QPRT: variants seen among roughly 807,000 people sequenced by gnomAD.
QPRT encodes quinolinate phosphoribosyltransferase, also known as nicotinate-nucleotide pyrophosphorylase [carboxylating].
Under a neutral mutation model 19.8 loss-of-function variants are expected in QPRT, and 17 were observed. That is an observed-to-expected ratio of 0.86 (90% CI 0.59 to 1.29). The LOEUF is 1.29. Among genes scored for constraint, QPRT ranks in the 50% most tolerant of loss-of-function variants. The pLI is 0.00. For missense variants in QPRT, 336 were observed against 405.1 expected (o/e 0.83, Z 1.46); for synonymous variants, 178 against 191.0 (o/e 0.93, Z 0.56).
chr16:29,695,050 G>T lies in QPRT; in HGVS notation c.400G>T (p.Val134Leu). ...CAGGGGGGCCGGCTGGACTGGGCAC[G>T]TGGCAGGCACGAGGAAGACCACGCC... is the stretch of plus-strand genomic sequence containing the variant. ...AARGAGWTGH[V>L]AGTRKTTPGF... Residue 134 changes from valine to leucine, a missense_variant, in exon 2 of 4, where the codon GTG (valine) becomes TTG (leucine). By Grantham distance (32) the Val-to-Leu change is conservative. Transcript: ENST00000395384. The T allele has an allele frequency of 6.2e-7, 1 of 1,605,622 alleles. No homozygotes were observed.
intron 2 of QPRT, 121 bp downstream of exon 2, chr16:29,695,320 A>G: frequency 8.7e-7 from 1 of 1,148,258 alleles, no homozygotes; most frequent in Non-Finnish European, 1.2e-6. Flanking sequence ...TCAGCAACAC[A>G]AGACTCTTCC....
chr16:29,691,453 G>A lies in QPRT; in HGVS notation c.14-3211G>A, dbSNP rs148994692. On this transcript the variant is annotated intron_variant, in intron 1 of 3. Transcript: ENST00000395384. ...CCAGGACTTTGAGAGGCTGAGGTGC[G>A]AGGATTGCTTAAGCCTGGGAGTTCA... Among the ~76,000 whole-genome samples, 35 of 151,500 alleles carry A rather than the reference G, an allele frequency of 2.3e-4. No individual in the cohort carries two copies. The East Asian group carries it at 6.8e-3, about 29-fold the overall frequency.
In QPRT at chr16:29,694,841, T is replaced by G; in HGVS notation, c.191T>G (p.Phe64Cys). 5 of 1,614,122 alleles carry G rather than the reference T, an allele frequency of 3.1e-6. No homozygotes were observed. The highest frequency in any genetic ancestry group is 4.2e-6 in the Non-Finnish European group (5 of 1,179,968). Residue 64 changes from phenylalanine (F) to cysteine (C), a missense_variant, in exon 2 of 4, where the codon TTT becomes TGT. Physicochemically the swap from Phe to Cys is radical, Grantham distance 205. Coordinates refer to ENST00000395384, the MANE Select transcript of QPRT (RefSeq NM_014298.6). ...LAGQPFFDAI[F>C]TQLNCQVSWF... ...GGGCAGCCTTTCTTCGATGCCATATTTACCCAACTCAACTGCCAAGTCTCC... is the reference window on the plus strand; with the variant it reads ...GGGCAGCCTTTCTTCGATGCCATATGTACCCAACTCAACTGCCAAGTCTCC...
At chr16:29,684,738 T>C (rs1967112545) in intron 1 of QPRT, among the ~76,000 whole-genome samples, 1 of 152,150 alleles carries the variant, frequency 6.6e-6, no homozygotes, top group African/African-American at 2.4e-5. Context: ...AGCCTTAACC[T>C]CTGCAAAACC....
intron 1 of QPRT, among the ~76,000 whole-genome samples, chr16:29,684,862 G>T (rs1171068027): frequency 6.6e-6 from 1 of 152,240 alleles, no homozygotes; most frequent in Non-Finnish European, 1.5e-5. Flanking sequence ...GAATCCCTGT[G>T]GTGAGCTCCA....
At chr16:29,689,852 C>T (rs1048747648) in intron 1 of QPRT, among the ~76,000 whole-genome samples, 73 of 151,806 alleles carry the variant, frequency 4.8e-4, no homozygotes, top group African/African-American at 1.7e-3. Flanking sequence ...CCCTCTCACG[C>T]GGACCCCCTT....
Position 29,697,639 on chromosome 16 carries a change from T to G in QPRT, c.*228T>G, listed in dbSNP as rs1246450625. 1 of 569,202 alleles carries G rather than the reference T, an allele frequency of 1.8e-6. No individual in the cohort carries two copies. Among genetic ancestry groups the G allele is most frequent in the Admixed American group, 3.2e-5 (1 of 30,900 alleles). 35.3% of individuals were successfully genotyped at this position (569,202 alleles called of 1,614,324 possible). On this transcript the variant is annotated 3_prime_UTR_variant, in exon 4 of 4. Transcript: ENST00000395384. The surrounding 1 kb of genome is among the most constrained non-coding windows in gnomAD (Gnocchi z 4.4). ...TGGGTCTAATAAAGGATCAACCACA[T>G]GGGGTTCTGCGGTGATAATGAGCAC...
At chr16:29,679,509 G>A (rs900997341) in intron 1 of QPRT, among the ~76,000 whole-genome samples, 3 of 152,096 alleles carry the variant, frequency 2.0e-5, no homozygotes, top group Non-Finnish European at 4.4e-5. Flanking sequence ...GGGGCAGTGG[G>A]GGCCGGAAGT....
In QPRT at chr16:29,697,106, G is replaced by A; in HGVS notation, c.660G>A (p.Leu220=). Residue 220 remains leucine, a synonymous_variant, in exon 3 of 4, where the codon CTG becomes CTA. Transcript: ENST00000395384. The surrounding 1 kb of genome is among the most constrained non-coding windows in gnomAD (Gnocchi z 4.4). ...CTGAGGCTGGTGCCGACCTTGTCCT[G>A]CTGGACAACTTCAAGCCAGAGGTAA... is the stretch of plus-strand genomic sequence containing the variant. The part of the protein sequence containing the change: ...QAAEAGADLV[L]LDNFKPEELH... 6.2e-7 allele frequency: 1 copy of A among 1,608,818 alleles called. No individual in the cohort carries two copies. The highest frequency in any genetic ancestry group is 1.1e-5 in the South Asian group (1 of 90,628).
At chr16:29,684,066 A>AC (rs1466482369) in intron 1 of QPRT, among the ~76,000 whole-genome samples, 2 of 152,028 alleles carry the variant, frequency 1.3e-5, no homozygotes, top group Non-Finnish European at 2.9e-5. Context: ...CTTCCCAGGT[A>AC]CCCACTCCTG....
intron 1 of QPRT, among the ~76,000 whole-genome samples, chr16:29,693,255 C>T (rs1399389848): frequency 1.3e-5 from 2 of 152,052 alleles, no homozygotes; most frequent in African/African-American, 2.4e-5. Context: ...TACCCATTAA[C>T]CTTCCCCACC....
At chr16:29,682,029 CTT>C (rs777278927) in intron 1 of QPRT, among the ~76,000 whole-genome samples, 3 of 151,596 alleles carry the variant, frequency 2.0e-5, no homozygotes, top group Non-Finnish European at 4.4e-5. Context: ...CACCCGGCCT[CTT>C]TTGTTTTTTA....
In QPRT at chr16:29,694,737, G is replaced by A; in HGVS notation, c.87G>A (p.Gly29=). The A allele has an allele frequency of 6.2e-7, 1 of 1,605,532 alleles. No homozygotes were observed. The highest frequency in any genetic ancestry group is 2.2e-5 in the East Asian group (1 of 44,794). ...VDSWLREDCP[G]LNYAALVSGA... ...GCTGGCTCCGAGAGGACTGCCCAGG[G>A]CTCAACTACGCAGCCTTGGTCAGCG... The change falls in exon 2 of 4, where the codon GGG becomes GGA. Residue 29 remains glycine (G), a synonymous_variant. Transcript: ENST00000395384.
chr16:29,697,765 C>A lies in QPRT; in HGVS notation c.*354C>A, dbSNP rs571122579. 13 of 194,992 alleles carry A rather than the reference C, an allele frequency of 6.7e-5. No individual in the cohort carries two copies. In the East Asian group the frequency reaches 1.8e-3, roughly 28 times the overall value. The allele number at this position is 194,992 out of a possible 1,614,324, so 12.1% of individuals were successfully genotyped here. A position where few individuals can be genotyped will look rare whatever the true frequency, so the allele number is the denominator to read the frequency against. ...CTTTGGGAGGCTGAGGCGGGAAGAT[C>A]ACTTGAGTTCAGGAGTTTGAGACCA... On this transcript the variant is annotated 3_prime_UTR_variant, in exon 4 of 4. Transcript: ENST00000395384. This position sits in a 1 kb window ranked among gnomAD's most constrained non-coding sequence, Gnocchi z 4.4.
chr16:29,695,793 CTTTTT>C (rs35141323), intron 2 of QPRT: 10 of 45,738 alleles, frequency 2.2e-4, no homozygotes, highest in Admixed American at 6.8e-4. Flanking sequence ...ACCCAGCTGC[CTTTTT>C]TTTTTTTTTT....
chr16:29,693,639 T>G (rs771042737), intron 1 of QPRT, among the ~76,000 whole-genome samples: 9 of 152,124 alleles, frequency 5.9e-5, no homozygotes, highest in African/African-American at 2.2e-4. Context: ...CAGGCTGGAG[T>G]GCAGTGGCGT....
At chr16:29,682,225 A>G (rs1168774915) in intron 1 of QPRT, among the ~76,000 whole-genome samples, 1 of 148,564 alleles carries the variant, frequency 6.7e-6, no homozygotes, top group Non-Finnish European at 1.5e-5. Context: ...TTTTTTAGAG[A>G]TGGGTTCTTG....
chr16:29,695,246 C>G, intron 2 of QPRT, 47 bp downstream of exon 2: 1 of 1,458,606 alleles, frequency 6.9e-7, no homozygotes, highest in Non-Finnish European at 9.1e-7. Context: ...TCAGCACACC[C>G]CTCCCCTCCC....
chr16:29,683,366 T>C (rs1368806822), intron 1 of QPRT, among the ~76,000 whole-genome samples: 1 of 151,570 alleles, frequency 6.6e-6, no homozygotes, highest in Non-Finnish European at 1.5e-5. Flanking sequence ...TCTTTTTTTT[T>C]TTTCCCTGAG....
Sources: allele counts gnomAD v4.1 joint callset (sites outside exome capture counted in the v4.1 genomes callset), GRCh38; gene constraint gnomAD v4.1.1; non-coding constraint Gnocchi (gnomAD v3.1); transcripts MANE v1.5; gene names NCBI Gene and HGNC (gene_info 2026-07-23, HGNC 2026-07-21).